The following MTCL2 variants were observed in gnomAD, a reference collection of about 807,000 sequenced individuals.
MTCL2 encodes microtubule cross-linking factor 2.
At chr20:36,829,036 G>A in the MTCL2 span, 1 of 1,532,284 alleles carries the variant, frequency 6.5e-7, no homozygotes, top group African/African-American at 1.4e-5. Context: ...GGCCCTGCTG[G>A]ATGCATGAGG....
At chr20:36,803,254 C>A in the MTCL2 span, 1 of 1,209,208 alleles carries the variant, frequency 8.3e-7, no homozygotes, top group Non-Finnish European at 1.1e-6. Context: ...GCTTAGTCCT[C>A]CCCACTCAGA....
the MTCL2 span, chr20:36,786,444 C>T: frequency 6.7e-7 from 1 of 1,502,672 alleles, no homozygotes; most frequent in South Asian, 1.3e-5. Flanking sequence ...TTCTGCTATC[C>T]AGGGGCTGGG....
At chr20:36,785,856 G>C in the MTCL2 span, 4 of 985,730 alleles carry the variant, frequency 4.1e-6, no homozygotes, top group Non-Finnish European at 4.8e-6. Context: ...GGAGATCCAG[G>C]GCTCCAGGAC....
chr20:36,857,714 T>C, the MTCL2 span, among the ~76,000 whole-genome samples: 7 of 152,116 alleles, frequency 4.6e-5, no homozygotes, highest in Non-Finnish European at 8.8e-5. Context: ...AAGAGCTACA[T>C]GCAGAAGCCT....
At chr20:36,794,807 C>T in the MTCL2 span, 1 of 635,440 alleles carries the variant, frequency 1.6e-6, no homozygotes, top group African/African-American at 1.8e-5. The surrounding 1 kb of genome is among the most constrained non-coding windows in gnomAD (Gnocchi z 5.4). Context: ...CTTGATATGT[C>T]ACCCAGGCTG....
chr20:36,829,353 G>T, the MTCL2 span: 1 of 807,490 alleles, frequency 1.2e-6, no homozygotes, highest in Non-Finnish European at 1.9e-6. Context: ...CGCTGCAGAT[G>T]AGCAAACTGA....
the MTCL2 span, chr20:36,783,851 A>C: frequency 2.0e-6 from 2 of 985,452 alleles, no homozygotes; most frequent in Non-Finnish European, 2.4e-6. Flanking sequence ...GTTACCAAGT[A>C]AAATGCTAAA....
At chr20:36,829,383 A>G in the MTCL2 span, among the ~76,000 whole-genome samples, 4 of 151,878 alleles carry the variant, frequency 2.6e-5, no homozygotes, top group Admixed American at 2.6e-4. Context: ...AGACCAAGAA[A>G]CTCATGAAGG....
the MTCL2 span, chr20:36,797,432 C>A: frequency 6.7e-7 from 1 of 1,491,926 alleles, no homozygotes; most frequent in Non-Finnish European, 9.1e-7. Flanking sequence ...CCTCTCATGT[C>A]CCCCACAAGC....
the MTCL2 span, chr20:36,781,701 TAATAAATA>T: frequency 1.3e-5 from 2 of 148,814 alleles, no homozygotes; most frequent in East Asian, 2.0e-4. Flanking sequence ...TAATAATAAA[TAATAAATA>T]AATAAATAAA....
At chr20:36,829,111 G>A in the MTCL2 span, 1 of 1,572,202 alleles carries the variant, frequency 6.4e-7, no homozygotes, top group Non-Finnish European at 8.6e-7. Context: ...CAGTCTCGAT[G>A]AGCCGCTGAC....
At chr20:36,815,605 G>A in the MTCL2 span, 4 of 1,593,660 alleles carry the variant, frequency 2.5e-6, no homozygotes, top group East Asian at 2.3e-5. This position sits in a 1 kb window ranked among gnomAD's most constrained non-coding sequence, Gnocchi z 5.3. Context: ...AGCATGGGCC[G>A]CGTACTCTGG....
the MTCL2 span, chr20:36,794,084 T>A: frequency 6.4e-7 from 1 of 1,551,346 alleles, no homozygotes; most frequent in Non-Finnish European, 8.7e-7. This position sits in a 1 kb window ranked among gnomAD's most constrained non-coding sequence, Gnocchi z 5.4. Flanking sequence ...CTCAAAGTCA[T>A]GCAGGGCCGC....
the MTCL2 span, among the ~76,000 whole-genome samples, chr20:36,800,217 G>A: frequency 5.9e-5 from 9 of 152,206 alleles, no homozygotes; most frequent in Admixed American, 2.0e-4. Flanking sequence ...GACAAGACAC[G>A]CCTGTGGGCT....
chr20:36,821,832 T>A, the MTCL2 span, among the ~76,000 whole-genome samples: 1 of 152,246 alleles, frequency 6.6e-6, no homozygotes, highest in Non-Finnish European at 1.5e-5. Context: ...TCCCTATGGC[T>A]TATTCGAATC....
At chr20:36,854,513 CG>C in the MTCL2 span, among the ~76,000 whole-genome samples, 4 of 151,962 alleles carry the variant, frequency 2.6e-5, no homozygotes, top group African/African-American at 9.7e-5. Context: ...AGCAAGAGCA[CG>C]GGACAGAGGC....
the MTCL2 span, among the ~76,000 whole-genome samples, chr20:36,823,409 C>T: frequency 6.6e-6 from 1 of 152,170 alleles, no homozygotes; most frequent in African/African-American, 2.4e-5. Flanking sequence ...GGTTGTGACA[C>T]TAATGAAAAT....
At chr20:36,806,821 A>G in the MTCL2 span, among the ~76,000 whole-genome samples, 161 of 152,174 alleles carry the variant, frequency 1.1e-3, no homozygotes, top group African/African-American at 3.6e-3. Context: ...CACCTAGCCA[A>G]TTTTCTATGT....
chr20:36,862,411 C>T, the MTCL2 span, among the ~76,000 whole-genome samples: 1 of 152,216 alleles, frequency 6.6e-6, no homozygotes, highest in Non-Finnish European at 1.5e-5. Context: ...TCTCAAGTCC[C>T]CGCTCCCAGG....
Sources: gnomAD v4.1 joint callset for allele counts (sites outside exome capture counted in the v4.1 genomes callset) on GRCh38, gnomAD v4.1.1 for gene constraint, Gnocchi (gnomAD v3.1) non-coding constraint, MANE v1.5 for transcripts, NCBI Gene and HGNC (gene_info 2026-07-23, HGNC 2026-07-21) for gene names.